The following HSP90B1 variants were observed in gnomAD, a reference collection of about 807,000 sequenced individuals.
HSP90B1 encodes endoplasmin.
HSP90B1 carries 27 observed loss-of-function variants against 100.4 expected under a neutral mutation model. The observed-to-expected ratio is 0.27, with a 90% CI of 0.20 to 0.37. The LOEUF (loss-of-function observed/expected upper bound fraction) is 0.37. Ranked by LOEUF, HSP90B1 falls within the 10% of genes least tolerant of loss-of-function variation. The probability of loss-of-function intolerance (pLI) is 1.00; values close to 1 mark genes in which losing one functional copy is unlikely to be tolerated. For missense variants in HSP90B1, 678 were observed against 960.5 expected (o/e 0.71, Z 3.89); for synonymous variants, 304 against 330.8 (o/e 0.92, Z 0.88).
Position 103,946,855 on chromosome 12 carries a change from G to T in HSP90B1, c.2176G>T (p.Gly726Trp), listed in dbSNP as rs1298442971. 2 of 1,614,018 alleles carry T rather than the reference G, an allele frequency of 1.2e-6. No individual in the cohort carries two copies. The highest frequency in any genetic ancestry group is 2.7e-5 in the African/African-American group (2 of 74,904). The change falls in exon 16 of 18, where the codon GGG becomes TGG. Residue 726 changes from glycine to tryptophan, a missense_variant. Transcript: ENST00000299767. Reference protein sequence around the residue: ...VLFETATLRSGYLLPDTKAYG... With the variant: ...VLFETATLRSWYLLPDTKAYG... ...GTTTGAAACAGCAACGCTTCGGTCA[G>T]GGTATCTTTTACCAGACACTAAAGC...
chr12:103,947,013 CA>C, intron 16 of HSP90B1, 72 bp downstream of exon 16: 1 of 1,476,032 alleles, frequency 6.8e-7, no homozygotes, highest in East Asian at 2.3e-5. Flanking sequence ...ATAGGCCTCT[CA>C]TGATTGAGGG....
In HSP90B1 at chr12:103,943,847, A is replaced by C. The variant is rs1870149452; in HGVS notation, c.2000A>C (p.Tyr667Ser). ...NMERIMKAQA[Y>S]QTGKDISTNY... ...GAGAGAATCATGAAAGCACAAGCGTACCAAACGGGCAAGGACATCTCTACA... is the reference window on the plus strand; with the variant it reads ...GAGAGAATCATGAAAGCACAAGCGTCCCAAACGGGCAAGGACATCTCTACA... The change falls in exon 14 of 18, where the codon TAC becomes TCC. Residue 667 changes from tyrosine to serine, a missense_variant. Physicochemically the swap from Tyr to Ser is moderately radical, Grantham distance 144. Around this residue, in one of 8 missense-constraint regions of HSP90B1, gnomAD observed 3 missense variants for 17.4 expected, o/e 0.17. Transcript: ENST00000299767. The surrounding 1 kb of genome is among the most constrained non-coding windows in gnomAD (Gnocchi z 5.3). The C allele has an allele frequency of 6.2e-7, 1 of 1,613,906 alleles. No individual in the cohort carries two copies. Among genetic ancestry groups the C allele is most frequent in the Non-Finnish European group, 8.5e-7 (1 of 1,179,976 alleles).
Position 103,930,667 on chromosome 12 carries a change from G to A in HSP90B1, c.49+103G>A, listed in dbSNP as rs57781511. ...TGGGAGGGGGGATCCCGGGGCCTGCGGTGGGCCAAGGGACGTCACCATTCC... is the reference window on the plus strand; with the variant it reads ...TGGGAGGGGGGATCCCGGGGCCTGCAGTGGGCCAAGGGACGTCACCATTCC... On this transcript the variant is annotated intron_variant, in intron 1 of 17. Coordinates refer to ENST00000299767, the MANE Select transcript of HSP90B1 (RefSeq NM_003299.3). The surrounding 1 kb of genome is among the most constrained non-coding windows in gnomAD (Gnocchi z 4.4). 0.012 allele frequency: 12,915 copies of A among 1,067,900 alleles called. 1,111 individuals carry two copies. In the African/African-American group the frequency reaches 0.18, roughly 15 times the overall value. 66.2% of individuals were successfully genotyped at this position (1,067,900 alleles called of 1,614,324 possible). A position where few individuals can be genotyped will look rare whatever the true frequency, so the allele number is the denominator to read the frequency against.
rs1438176598 is a variant in HSP90B1, at chr12:103,947,771, C to A, written c.*109C>A. On this transcript the variant is annotated 3_prime_UTR_variant, in exon 18 of 18. Transcript: ENST00000299767. ...TGCCCCCTAATCCCCTTCTCCCCTG[C>A]ACTGTAAAATGTGGGATTATGGGTC... 6 of 949,784 alleles carry A rather than the reference C, an allele frequency of 6.3e-6. No individual in the cohort carries two copies. The highest frequency in any genetic ancestry group is 1.0e-5 in the Non-Finnish European group (6 of 584,696). The allele number at this position is 949,784 out of a possible 1,614,324, so 58.8% of individuals were successfully genotyped here. A position where few individuals can be genotyped will look rare whatever the true frequency, so the allele number is the denominator to read the frequency against.
chr12:103,930,660 G>A lies in HSP90B1; in HGVS notation c.49+96G>A, dbSNP rs548587457. 3.3e-6 allele frequency: 4 copies of A among 1,218,288 alleles called. No homozygotes were observed. The highest frequency in any genetic ancestry group is 4.6e-5 in the Admixed American group (2 of 43,814). The allele number at this position is 1,218,288 out of a possible 1,614,324, so 75.5% of individuals were successfully genotyped here. ...TTGAACGTGGGAGGGGGGATCCCGG[G>A]GCCTGCGGTGGGCCAAGGGACGTCA... is the stretch of plus-strand genomic sequence containing the variant. On this transcript the variant is annotated intron_variant, in intron 1 of 17. Coordinates refer to ENST00000299767, the MANE Select transcript of HSP90B1 (RefSeq NM_003299.3). This position sits in a 1 kb window ranked among gnomAD's most constrained non-coding sequence, Gnocchi z 4.4.
At chr12:103,938,223 T>G (rs1180870438) in intron 6 of HSP90B1, 117 bp from the exon 7 acceptor site, 2 of 823,028 alleles carry the variant, frequency 2.4e-6, no homozygotes, top group Non-Finnish European at 3.7e-6. Flanking sequence ...TTAAGGATAC[T>G]CTCAGGGTTT....
intron 6 of HSP90B1, 117 bp downstream of exon 6, chr12:103,937,923 T>G (rs1189344422): frequency 7.0e-6 from 4 of 570,622 alleles, no homozygotes; most frequent in Non-Finnish European, 1.3e-5. Context: ...TCCCCGCACT[T>G]TGGGAGGCCG....
chr12:103,942,764 A>G lies in HSP90B1; in HGVS notation c.1612A>G (p.Ile538Val). 1 of 1,613,868 alleles carries G rather than the reference A, an allele frequency of 6.2e-7. No individual in the cohort carries two copies. Among genetic ancestry groups the G allele is most frequent in the Non-Finnish European group, 8.5e-7 (1 of 1,179,784 alleles). Reference protein sequence around the residue: ...VERMKEKQDKIYFMAGSSRKE... With the variant: ...VERMKEKQDKVYFMAGSSRKE... ...AAGAATGAAGGAAAAACAAGACAAA[A>G]TCTACTTCATGGCTGGGTCCAGCAG... The change falls in exon 12 of 18, where the codon ATC (isoleucine) becomes GTC (valine). Residue 538 changes from isoleucine to valine, a missense_variant. This residue lies in a region of HSP90B1 where 170 missense variants were observed against 236.7 expected (regional missense o/e 0.72). Coordinates refer to ENST00000299767, the MANE Select transcript of HSP90B1 (RefSeq NM_003299.3).
chr12:103,943,069 T>G lies in HSP90B1; in HGVS notation c.1645-5T>G. On this transcript the variant is annotated splice_region_variant and splice_polypyrimidine_tract_variant and intron_variant, in intron 12 of 17. Coordinates refer to ENST00000299767, the MANE Select transcript of HSP90B1 (RefSeq NM_003299.3). The surrounding 1 kb of genome is among the most constrained non-coding windows in gnomAD (Gnocchi z 5.3). ...GGAAAACTTTGTGACTTCTTAATTT[T>G]GTAGGCTGAATCTTCTCCATTTGTT... The G allele has an allele frequency of 1.9e-6, 3 of 1,613,364 alleles. No homozygotes were observed. Among genetic ancestry groups the G allele is most frequent in the Non-Finnish European group, 2.5e-6 (3 of 1,179,718 alleles).
At chr12:103,932,016 T>G in intron 2 of HSP90B1, 2 of 451,072 alleles carry the variant, frequency 4.4e-6, no homozygotes, top group East Asian at 4.1e-5. Context: ...CATAAATGAG[T>G]ATGACTTTGC....
At position 103,943,252 on chromosome 12, in the gene HSP90B1, G is replaced by A. The variant is rs756076475; in HGVS notation, c.1823G>A (p.Arg608His). Residue 608 changes from arginine to histidine, a missense_variant, in exon 13 of 18, where the codon CGT (arginine) becomes CAT (histidine). By Grantham distance (29) the Arg-to-His change is conservative. Around this residue, in one of 8 missense-constraint regions of HSP90B1, gnomAD observed 170 missense variants for 236.7 expected, o/e 0.72. Transcript: ENST00000299767. The surrounding 1 kb of genome is among the most constrained non-coding windows in gnomAD (Gnocchi z 5.3). ...FDESEKTKES[R>H]EAVEKEFEPL... ...GAAAGTGAGAAAACTAAGGAGAGTC[G>A]TGAAGCAGTTGAGAAAGAATTTGAG... 17 of 1,613,924 alleles carry A rather than the reference G, an allele frequency of 1.1e-5. No homozygotes were observed. Among genetic ancestry groups the A allele is most frequent in the East Asian group, 2.2e-5 (1 of 44,878 alleles).
At position 103,947,371 on chromosome 12, in the gene HSP90B1, G is replaced by C; in HGVS notation, c.2323G>C (p.Glu775Gln). Residue 775 changes from glutamate (E) to glutamine (Q), a missense_variant, in exon 17 of 18, where the codon GAG (glutamate) becomes CAG (glutamine). Around this residue, in one of 8 missense-constraint regions of HSP90B1, gnomAD observed 65 missense variants for 65.1 expected, o/e 1.00. Coordinates refer to ENST00000299767, the MANE Select transcript of HSP90B1 (RefSeq NM_003299.3). ...AGCAGAAGACACAACAGAAGACACA[G>C]AGCAAGACGAAGATGAAGAAATGGA... ...ETAEDTTEDTEQDEDEEMDVG... is the reference protein window; with the variant it reads ...ETAEDTTEDTQQDEDEEMDVG... The C allele has an allele frequency of 1.9e-6, 3 of 1,609,888 alleles. No individual in the cohort carries two copies. The highest frequency in any genetic ancestry group is 2.6e-6 in the Non-Finnish European group (3 of 1,176,270).
At position 103,943,936 on chromosome 12, in the gene HSP90B1, GATA is replaced by G; in HGVS notation, c.2027+66_2027+68del. The stretch of plus-strand genomic sequence containing the variant: ...CCCCTTACCCAATCTTTGTTTTGGA[GATA>G]ATACCAGCTTCAATACAAAGAGTAA... On this transcript the variant is annotated intron_variant, in intron 14 of 17. Coordinates refer to ENST00000299767, the MANE Select transcript of HSP90B1 (RefSeq NM_003299.3). The surrounding 1 kb of genome is among the most constrained non-coding windows in gnomAD (Gnocchi z 5.3). The G allele has an allele frequency of 6.7e-7, 1 of 1,494,046 alleles. No homozygotes were observed. Among genetic ancestry groups the G allele is most frequent in the South Asian group, 1.3e-5 (1 of 78,818 alleles). 92.5% of individuals were successfully genotyped at this position (1,494,046 alleles called of 1,614,324 possible). A position where few individuals can be genotyped will look rare whatever the true frequency, so the allele number is the denominator to read the frequency against.
Position 103,947,315 on chromosome 12 carries a change from A to T in HSP90B1, c.2267A>T (p.Glu756Val). The change falls in exon 17 of 18, where the codon GAA (glutamate) becomes GTA (valine). Residue 756 changes from glutamate (E) to valine (V), a missense_variant. Transcript: ENST00000299767. ...GCCCATAAATGTTGTGTTTAGGTGGAAGAAGAGCCCGAAGAAGAACCTGAA... is the reference window on the plus strand; with the variant it reads ...GCCCATAAATGTTGTGTTTAGGTGGTAGAAGAGCCCGAAGAAGAACCTGAA... ...SLNIDPDAKV[E>V]EEPEEEPEET... 3 of 1,595,562 alleles carry T rather than the reference A, an allele frequency of 1.9e-6. No individual in the cohort carries two copies. The highest frequency in any genetic ancestry group is 2.3e-5 in the South Asian group (2 of 87,696).
At chr12:103,936,953 C>T (rs1011024869) in intron 5 of HSP90B1, among the ~76,000 whole-genome samples, 43 of 152,260 alleles carry the variant, frequency 2.8e-4, no homozygotes, top group African/African-American at 9.4e-4. Context: ...CATAGATAGA[C>T]CATTTCCCAT....
intron 7 of HSP90B1, 49 bp downstream of exon 7, chr12:103,938,508 G>T (rs771989061): frequency 6.4e-7 from 1 of 1,568,706 alleles, no homozygotes; most frequent in East Asian, 2.3e-5. Context: ...ACATGTATAG[G>T]CAAAACCAGG....
intron 12 of HSP90B1, 139 bp downstream of exon 12, chr12:103,942,935 G>A: frequency 2.1e-6 from 3 of 1,422,776 alleles, no homozygotes; most frequent in East Asian, 2.3e-5. Context: ...TGACAGGAAG[G>A]TCATTTATAT....
chr12:103,944,370 G>A (rs929148318), intron 14 of HSP90B1, among the ~76,000 whole-genome samples: 1 of 152,062 alleles, frequency 6.6e-6, no homozygotes, highest in Non-Finnish European at 1.5e-5. Context: ...ATACCTGGAG[G>A]TATAGTGAGT....
At chr12:103,933,648 G>A (rs1165683) in intron 4 of HSP90B1, among the ~76,000 whole-genome samples, 15,791 of 152,266 alleles carry the variant, frequency 0.1, 1,063 homozygotes, top group Middle Eastern at 0.17. Context: ...AAAGAAATAG[G>A]CAAGACATAA....
Sources: allele counts gnomAD v4.1 joint callset (sites outside exome capture counted in the v4.1 genomes callset), GRCh38; gene constraint gnomAD v4.1.1; regional missense constraint gnomAD v4.1.1; non-coding constraint Gnocchi (gnomAD v3.1); transcripts MANE v1.5; gene names NCBI Gene and HGNC (gene_info 2026-07-23, HGNC 2026-07-21).